PLCB1: variants seen among roughly 807,000 people sequenced by gnomAD.
The protein encoded by PLCB1 is phospholipase C beta 1, also known as 1-phosphatidylinositol 4,5-bisphosphate phosphodiesterase beta-1.
PLCB1 carries 46 observed loss-of-function variants against 161.8 expected under a neutral mutation model. That is an observed-to-expected ratio of 0.28 (90% CI 0.22 to 0.36). PLCB1 has a LOEUF of 0.36. Ranked by LOEUF, PLCB1 falls within the 10% of genes least tolerant of loss-of-function variation. The probability of loss-of-function intolerance (pLI) is 1.00; values close to 1 mark genes in which losing one functional copy is unlikely to be tolerated. For synonymous variants in PLCB1, 517 were observed against 503.7 expected (o/e 1.03, Z -0.35); for missense variants, 1,016 against 1,472.5 (o/e 0.69, Z 5.07).
At chr20:8,726,487 G>A (rs1260649840) in intron 16 of PLCB1, among the ~76,000 whole-genome samples, 1 of 152,050 alleles carries the variant, frequency 6.6e-6, no homozygotes. Flanking sequence ...TGCATGGCTG[G>A]GGAGACCTCA....
intron 31 of PLCB1, among the ~76,000 whole-genome samples, chr20:8,874,972 T>C (rs1987728943): frequency 6.6e-6 from 1 of 151,776 alleles, no homozygotes; most frequent in African/African-American, 2.4e-5. Flanking sequence ...ATTGCTTCTT[T>C]AAAGGAAATT....
Position 8,733,792 on chromosome 20 carries a change from T to TAAC in PLCB1, c.2043+402_2043+403insCAA, listed in dbSNP as rs1341670054. On this transcript the variant is annotated intron_variant, in intron 19 of 31. Transcript: ENST00000338037. ...TACCCTAAAACTTAAAGTATAATAA[T>TAAC]AATAATAATAATAATAATAATAATA... is the stretch of plus-strand genomic sequence containing the variant. Among the ~76,000 whole-genome samples the TAAC allele has an allele frequency of 1.5e-4, 10 of 65,930 alleles. No individual in the cohort carries two copies. The South Asian group carries it at 2.5e-3, about 17-fold the overall frequency. The allele number at this position is 65,930 out of a possible 152,430, so 43.3% of individuals were successfully genotyped here.
intron 4 of PLCB1, among the ~76,000 whole-genome samples, chr20:8,644,377 T>A (rs1989074869): frequency 7.1e-6 from 1 of 141,082 alleles, no homozygotes; most frequent in Non-Finnish European, 1.5e-5. Flanking sequence ...CGCCATCCCA[T>A]CTAGGAAGTG....
chr20:8,307,185 G>A (rs893395431), intron 2 of PLCB1, among the ~76,000 whole-genome samples: 1 of 152,336 alleles, frequency 6.6e-6, no homozygotes, highest in African/African-American at 2.4e-5. Flanking sequence ...CATGCCTGGA[G>A]ACCTAAGAGT....
At chr20:8,661,038 AAAG>A (rs1989607690) in intron 9 of PLCB1, among the ~76,000 whole-genome samples, 1 of 152,166 alleles carries the variant, frequency 6.6e-6, no homozygotes, top group Non-Finnish European at 1.5e-5. Context: ...AAGCATTTGG[AAAG>A]AAGAATCTGG....
chr20:8,570,169 C>T lies in PLCB1; in HGVS notation c.247-58125C>T, dbSNP rs1017735123. On this transcript the variant is annotated intron_variant, in intron 3 of 31. Coordinates refer to ENST00000338037, the MANE Select transcript of PLCB1 (RefSeq NM_015192.4). Reference sequence around the variant, plus strand: ...AGGGTCAGAATGAGGGCTTTTATCCCTCAACCATTGAACAAAATTTCAGAG... The same window carrying T: ...AGGGTCAGAATGAGGGCTTTTATCCTTCAACCATTGAACAAAATTTCAGAG... 2.0e-5 allele frequency among the ~76,000 whole-genome samples: 3 copies of T among 152,284 alleles called. No individual in the cohort carries two copies. The South Asian group carries it at 6.2e-4, about 32-fold the overall frequency.
chr20:8,629,817 T>TC (rs1555777957), intron 4 of PLCB1, among the ~76,000 whole-genome samples: 2 of 97,074 alleles, frequency 2.1e-5, no homozygotes, highest in East Asian at 5.5e-4. Context: ...CTTTTCTTTC[T>TC]TTTCTTTCTT....
intron 31 of PLCB1, among the ~76,000 whole-genome samples, chr20:8,839,519 T>C (rs1986414437): frequency 6.6e-6 from 1 of 152,058 alleles, no homozygotes; most frequent in South Asian, 2.1e-4. Context: ...TAATATTATG[T>C]GTCATGTCCC....
chr20:8,412,960 A>C (rs1197141849), intron 3 of PLCB1, among the ~76,000 whole-genome samples: 1 of 151,766 alleles, frequency 6.6e-6, no homozygotes, highest in Non-Finnish European at 1.5e-5. Flanking sequence ...TGTGACCAAA[A>C]AAAAAAAAAA....
intron 3 of PLCB1, among the ~76,000 whole-genome samples, chr20:8,424,475 C>T (rs1475907057): frequency 6.6e-6 from 1 of 152,126 alleles, no homozygotes; most frequent in African/African-American, 2.4e-5. Context: ...AATTCCCTCA[C>T]CTTTTTAGTA....
At chr20:8,163,748 G>C (rs1489226613) in intron 2 of PLCB1, among the ~76,000 whole-genome samples, 1 of 152,148 alleles carries the variant, frequency 6.6e-6, no homozygotes, top group Non-Finnish European at 1.5e-5. Context: ...CTTTAGACAG[G>C]GTGTGTGGTA....
At chr20:8,349,905 GAAAT>G (rs1385276245) in intron 2 of PLCB1, among the ~76,000 whole-genome samples, 1 of 152,064 alleles carries the variant, frequency 6.6e-6, no homozygotes. Context: ...ATGAAAAAAA[GAAAT>G]AAAGCTGTCT....
At chr20:8,765,058 T>C (rs983397765) in intron 25 of PLCB1, 81 bp from the exon 26 acceptor site, 3 of 1,074,890 alleles carry the variant, frequency 2.8e-6, no homozygotes, top group African/African-American at 3.2e-5. Context: ...AACCATTTCT[T>C]CCTAAGAAGG....
chr20:8,488,941 A>G (rs775171490), intron 3 of PLCB1, among the ~76,000 whole-genome samples: 1 of 152,228 alleles, frequency 6.6e-6, no homozygotes, highest in Non-Finnish European at 1.5e-5. Flanking sequence ...ATAACATGGC[A>G]AAGGTTTACA....
chr20:8,345,888 G>C (rs1985986726), intron 2 of PLCB1, among the ~76,000 whole-genome samples: 1 of 152,206 alleles, frequency 6.6e-6, no homozygotes, highest in African/African-American at 2.4e-5. Flanking sequence ...ATTTTGGCCA[G>C]TTTTTAGAAA....
intron 4 of PLCB1, among the ~76,000 whole-genome samples, chr20:8,644,083 T>C (rs1040852888): frequency 3.5e-4 from 53 of 152,232 alleles, no homozygotes; most frequent in African/African-American, 1.2e-3. Flanking sequence ...AGACGGAGTC[T>C]GGTTCACTCA....
intron 1 of PLCB1, among the ~76,000 whole-genome samples, chr20:8,149,807 A>G (rs1425422496): frequency 1.3e-5 from 2 of 152,146 alleles, no homozygotes; most frequent in African/African-American, 2.4e-5. Flanking sequence ...AAGTTTGTAT[A>G]TATCTTTCTG....
At chr20:8,188,272 A>G (rs1288872009) in intron 2 of PLCB1, among the ~76,000 whole-genome samples, 2 of 152,152 alleles carry the variant, frequency 1.3e-5, no homozygotes, top group African/African-American at 4.8e-5. Context: ...ACTGTCCACT[A>G]ACATTCCTTT....
intron 12 of PLCB1, among the ~76,000 whole-genome samples, chr20:8,713,510 A>T (rs1979134963): frequency 6.6e-6 from 1 of 152,144 alleles, no homozygotes; most frequent in Non-Finnish European, 1.5e-5. Context: ...CGTCTACATT[A>T]GACATAGATT....
Sources: allele counts gnomAD v4.1 joint callset (sites outside exome capture counted in the v4.1 genomes callset), GRCh38; gene constraint gnomAD v4.1.1; transcripts MANE v1.5; gene names NCBI Gene and HGNC (gene_info 2026-07-23, HGNC 2026-07-21).